The following CCDC158 variants were observed in gnomAD, a reference collection of about 807,000 sequenced individuals.
CCDC158 encodes coiled-coil domain containing 158, also known as coiled-coil domain-containing protein 158.
A neutral mutation model predicts 138.6 loss-of-function variants in CCDC158; 116 were observed. The ratio of observed to expected loss-of-function variants is 0.84; its 90% CI spans 0.72 to 0.98. The LOEUF is 0.98. Among genes scored for constraint, CCDC158 ranks in the 50% least tolerant of loss-of-function variants. The pLI, the probability that CCDC158 is intolerant of heterozygous loss-of-function variation, is 0.00. For missense variants in CCDC158, 1,265 were observed against 1,306.1 expected, an observed-to-expected ratio of 0.97 and a Z score of 0.48; for synonymous variants, 436 against 442.4, an observed-to-expected ratio of 0.99 and a Z score of 0.18.
chr4:76,320,184 C>T (rs142152846), intron 24 of CCDC158, among the ~76,000 whole-genome samples: 2 of 152,276 alleles, frequency 1.3e-5, no homozygotes, highest in African/African-American at 2.4e-5. Context: ...AACCCAGCCC[C>T]TTTTATAACA....
chr4:76,338,682 A>G (rs921312995), intron 18 of CCDC158, among the ~76,000 whole-genome samples: 1 of 152,110 alleles, frequency 6.6e-6, no homozygotes, highest in Admixed American at 6.5e-5. Flanking sequence ...ATGTACTTCA[A>G]CTGTACAGCT....
In CCDC158 at chr4:76,321,626, C is replaced by T. The variant is rs559642868; in HGVS notation, c.3277+1676G>A. Among the ~76,000 whole-genome samples, 204 of 146,068 alleles carry T rather than the reference C, an allele frequency of 1.4e-3. 1 individual carries two copies. The highest frequency in any genetic ancestry group is 4.8e-3 in the African/African-American group (193 of 40,042). ...ATATATTATATATATATGCACACAC[C>T]TCAGCCACCTCCCATTCTTCCCCCA... On this transcript the variant is annotated intron_variant, in intron 24 of 24. Coordinates refer to ENST00000682701, the MANE Select transcript of CCDC158 (RefSeq NM_001394954.1).
At chr4:76,403,391 C>T in intron 2 of CCDC158, 111 bp from the exon 3 acceptor site, 1 of 429,556 alleles carries the variant, frequency 2.3e-6, no homozygotes, top group East Asian at 4.0e-5. Flanking sequence ...ATTTCTTCTC[C>T]AGAAAAATAA....
intron 1 of CCDC158, among the ~76,000 whole-genome samples, chr4:76,417,357 T>A (rs776631218): frequency 5.3e-5 from 8 of 151,944 alleles, no homozygotes; most frequent in Non-Finnish European, 1.0e-4. Flanking sequence ...CAGATGAGAC[T>A]TTGGACTGAA....
intron 4 of CCDC158, among the ~76,000 whole-genome samples, chr4:76,386,897 G>C (rs11097343): frequency 0.86 from 130,766 of 152,214 alleles, 56,455 homozygotes; most frequent in South Asian, 0.97. Flanking sequence ...AGAGGGGAAT[G>C]GTCCATTTCA....
chr4:76,320,760 C>T (rs1029187664), intron 24 of CCDC158, among the ~76,000 whole-genome samples: 1 of 152,086 alleles, frequency 6.6e-6, no homozygotes, highest in Admixed American at 6.6e-5. Context: ...GAAACTTCAA[C>T]TCAAGATGGG....
intron 17 of CCDC158, 152 bp from the exon 18 acceptor site, chr4:76,351,273 G>GA: frequency 1.4e-6 from 1 of 697,206 alleles, no homozygotes; most frequent in Non-Finnish European, 2.2e-6. Flanking sequence ...TCTTAAAATA[G>GA]ACATATATTT....
intron 24 of CCDC158, among the ~76,000 whole-genome samples, chr4:76,320,296 A>G (rs1420386216): frequency 6.6e-6 from 1 of 152,200 alleles, no homozygotes; most frequent in Non-Finnish European, 1.5e-5. Flanking sequence ...CATAGACAAC[A>G]CACACAAATG....
At chr4:76,345,396 G>A in intron 18 of CCDC158, 2 of 967,024 alleles carry the variant, frequency 2.1e-6, no homozygotes, top group Non-Finnish European at 3.4e-6. Flanking sequence ...ATTGGCTGAG[G>A]CACACCAGCA....
At position 76,337,049 on chromosome 4, in the gene CCDC158, C is replaced by T. The variant is rs555776223; in HGVS notation, c.2665-2882G>A. 2.7e-4 allele frequency among the ~76,000 whole-genome samples: 41 copies of T among 152,240 alleles called. 2 individuals carry two copies. The South Asian group carries it at 7.3e-3, about 27-fold the overall frequency. On this transcript the variant is annotated intron_variant, in intron 18 of 24. Transcript: ENST00000682701. Reference sequence around the variant, plus strand: ...AAACTGGAGTGCAGTGATGCGATCACGGATCACTGCCGCCTTGACCTCTCA... The same window carrying T: ...AAACTGGAGTGCAGTGATGCGATCATGGATCACTGCCGCCTTGACCTCTCA...
At chr4:76,386,671 T>C (rs962689300) in intron 4 of CCDC158, among the ~76,000 whole-genome samples, 3 of 152,242 alleles carry the variant, frequency 2.0e-5, no homozygotes, top group African/African-American at 4.8e-5. Flanking sequence ...TTAATTCATA[T>C]GGTGGAAAGA....
At chr4:76,420,409 G>C (rs1389825759) in intron 1 of CCDC158, among the ~76,000 whole-genome samples, 1 of 152,186 alleles carries the variant, frequency 6.6e-6, no homozygotes, top group Non-Finnish European at 1.5e-5. Context: ...ACCTGGAGCA[G>C]CCTGAGTGGG....
chr4:76,405,571 C>A (rs1728750308), intron 2 of CCDC158, among the ~76,000 whole-genome samples: 1 of 152,018 alleles, frequency 6.6e-6, no homozygotes, highest in South Asian at 2.1e-4. Flanking sequence ...TATTTAAATA[C>A]TCAATTATAG....
chr4:76,313,680 G>A lies in CCDC158; in HGVS notation c.3278-434C>T, dbSNP rs557599715. Among the ~76,000 whole-genome samples the A allele has an allele frequency of 2.6e-5, 4 of 152,272 alleles. No individual in the cohort carries two copies. The South Asian group carries it at 8.3e-4, about 32-fold the overall frequency. On this transcript the variant is annotated intron_variant, in intron 24 of 24. Coordinates refer to ENST00000682701, the MANE Select transcript of CCDC158 (RefSeq NM_001394954.1). ...CAGAAGGACACAAAGATAGATGAAG[G>A]TCAGTCTTTGTCTCTGCTCCCTCAA...
intron 9 of CCDC158, among the ~76,000 whole-genome samples, chr4:76,371,966 G>A (rs1435504050): frequency 1.3e-5 from 2 of 148,976 alleles, no homozygotes; most frequent in African/African-American, 2.5e-5. Context: ...AGTGTATTGT[G>A]ATGTGTCTTG....
chr4:76,342,976 A>C (rs916265021), intron 18 of CCDC158, among the ~76,000 whole-genome samples: 1 of 152,194 alleles, frequency 6.6e-6, no homozygotes, highest in African/African-American at 2.4e-5. Context: ...AGCTGTCTCC[A>C]TATACTCAGG....
At position 76,349,452 on chromosome 4, in the gene CCDC158, T is replaced by G. The variant is rs189617453; in HGVS notation, c.2664+1544A>C. Among the ~76,000 whole-genome samples, 227 of 152,330 alleles carry G rather than the reference T, an allele frequency of 1.5e-3. 1 individual carries two copies. The highest frequency in any genetic ancestry group is 5.0e-3 in the African/African-American group (207 of 41,580). On this transcript the variant is annotated intron_variant, in intron 18 of 24. Transcript: ENST00000682701. ...GGGAGGCCAAGGTGGGAGGATTGCT[T>G]GAGCCCAGGAGTTTGAGACAAGCCT...
At chr4:76,366,169 C>T (rs554152051) in intron 12 of CCDC158, among the ~76,000 whole-genome samples, 2 of 152,278 alleles carry the variant, frequency 1.3e-5, no homozygotes, top group African/African-American at 4.8e-5. Flanking sequence ...CCCTGCATCA[C>T]ACCTGTTCTA....
At chr4:76,339,276 AAGAAGC>A (rs1289092766) in intron 18 of CCDC158, among the ~76,000 whole-genome samples, 2 of 152,228 alleles carry the variant, frequency 1.3e-5, no homozygotes, top group East Asian at 3.9e-4. Flanking sequence ...TGAGAAAGTG[AAGAAGC>A]CCCTTACTAT....
Sources: gnomAD v4.1 joint callset for allele counts (sites outside exome capture counted in the v4.1 genomes callset) on GRCh38, gnomAD v4.1.1 for gene constraint, MANE v1.5 for transcripts, NCBI Gene and HGNC (gene_info 2026-07-23, HGNC 2026-07-21) for gene names.